Variants in SSH2 observed in about 807,000 individuals in gnomAD.
The protein encoded by SSH2 is slingshot protein phosphatase 2, also known as protein phosphatase Slingshot homolog 2.
In SSH2, 37 loss-of-function variants were observed where a neutral mutation model predicts 135.2. The observed-to-expected ratio is 0.27, with a 90% CI of 0.21 to 0.36. The LOEUF (loss-of-function observed/expected upper bound fraction) is 0.36, where lower values mean the gene tolerates loss of function less well. Ranked by LOEUF, SSH2 falls within the 10% of genes least tolerant of loss-of-function variation. The probability of loss-of-function intolerance (pLI) is 1.00; values close to 1 mark genes in which losing one functional copy is unlikely to be tolerated. For synonymous variants in SSH2, 628 were observed against 646.2 expected (o/e 0.97, Z 0.43); for missense variants, 1,408 against 1,765.3 (o/e 0.80, Z 3.63).
chr17:29,865,226 G>A (rs75675730), intron 1 of SSH2, among the ~76,000 whole-genome samples: 40 of 152,334 alleles, frequency 2.6e-4, no homozygotes, highest in South Asian at 1.4e-3. Context: ...TAAAAGAAGT[G>A]TAAAGTAATT....
chr17:29,735,659 T>A (rs1055062550), intron 3 of SSH2, among the ~76,000 whole-genome samples: 4 of 143,082 alleles, frequency 2.8e-5, no homozygotes, highest in African/African-American at 7.9e-5. Context: ...ATCGCGTCAC[T>A]GCACTCCAGC....
At position 29,849,033 on chromosome 17, in the gene SSH2, G is replaced by A. The variant is rs138878224; in HGVS notation, c.64-104C>T. 39 of 662,834 alleles carry A rather than the reference G, an allele frequency of 5.9e-5. No homozygotes were observed. In the Admixed American group the frequency reaches 6.3e-4, roughly 11 times the overall value. The allele number at this position is 662,834 out of a possible 1,614,324, so 41.1% of individuals were successfully genotyped here. ...CTGAGTCAGTGGTGTTAGCTCACAG[G>A]TGAGAAGCTGCAATTCTGATTAGTG... On this transcript the variant is annotated intron_variant, in intron 1 of 15. Transcript: ENST00000540801.
At chr17:29,659,681 G>A (rs903431626) in intron 11 of SSH2, among the ~76,000 whole-genome samples, 5 of 151,688 alleles carry the variant, frequency 3.3e-5, no homozygotes, top group African/African-American at 7.3e-5. Flanking sequence ...ATGCCACCAT[G>A]CCCGGCTAAT....
intron 4 of SSH2, among the ~76,000 whole-genome samples, chr17:29,700,739 A>C (rs1318174101): frequency 6.6e-6 from 1 of 152,202 alleles, no homozygotes; most frequent in East Asian, 1.9e-4. Context: ...TCAGAAATTG[A>C]ATCTTTGATT....
chr17:29,635,190 C>T (rs1567828939), intron 15 of SSH2, among the ~76,000 whole-genome samples: 1 of 152,108 alleles, frequency 6.6e-6, no homozygotes, highest in African/African-American at 2.4e-5. Context: ...GCGTGAGCCA[C>T]CGCGCCCGGC....
In SSH2 at chr17:29,793,926, A is replaced by G. The variant is rs761341358; in HGVS notation, c.156T>C (p.Ser52=). 1.3e-5 allele frequency: 21 copies of G among 1,612,966 alleles called. No individual in the cohort carries two copies. Among genetic ancestry groups the G allele is most frequent in the Non-Finnish European group, 1.6e-5 (19 of 1,179,226 alleles). Residue 52 remains serine (S), a synonymous_variant, in exon 3 of 16, where the codon AGT becomes AGC. Coordinates refer to ENST00000540801, the MANE Select transcript of SSH2 (RefSeq NM_001282129.2). ...EIFTDSNEAD[S]GEEECRSQPR... Reference sequence around the variant, plus strand: ...GCTGTGACCGGCATTCTTCCTCCCCACTGTCTGCCTCCTGTATAGACAGAA... The same window carrying G: ...GCTGTGACCGGCATTCTTCCTCCCCGCTGTCTGCCTCCTGTATAGACAGAA...
chr17:29,816,194 A>G (rs1378340656), intron 2 of SSH2, among the ~76,000 whole-genome samples: 1 of 152,100 alleles, frequency 6.6e-6, no homozygotes, highest in African/African-American at 2.4e-5. Flanking sequence ...CCAGGGTCAT[A>G]CCTCAGTGCG....
intron 4 of SSH2, among the ~76,000 whole-genome samples, chr17:29,701,810 A>T (rs576195932): frequency 9.2e-5 from 14 of 151,872 alleles, no homozygotes; most frequent in African/African-American, 3.4e-4. Flanking sequence ...ACCTCAGGTG[A>T]TCCACCTGCC....
chr17:29,659,545 G>C (rs1306218283), intron 11 of SSH2, among the ~76,000 whole-genome samples: 1 of 152,044 alleles, frequency 6.6e-6, no homozygotes, highest in East Asian at 1.9e-4. Flanking sequence ...TTATTTTTGA[G>C]ACGAGACTTG....
chr17:29,685,210 T>C (rs1159508343), intron 5 of SSH2, among the ~76,000 whole-genome samples: 4 of 152,326 alleles, frequency 2.6e-5, no homozygotes, highest in African/African-American at 7.2e-5. Flanking sequence ...TGAAAGGAGA[T>C]TGCATTTTTA....
chr17:29,816,822 T>C (rs1297524497), intron 2 of SSH2, among the ~76,000 whole-genome samples: 1 of 152,160 alleles, frequency 6.6e-6, no homozygotes, highest in African/African-American at 2.4e-5. Context: ...TGATCCTTGC[T>C]AACACACTGG....
At chr17:29,779,017 T>A (rs1002421923) in intron 3 of SSH2, among the ~76,000 whole-genome samples, 2 of 152,140 alleles carry the variant, frequency 1.3e-5, no homozygotes, top group South Asian at 4.1e-4. Context: ...TACTTTTGTT[T>A]TTCTTATATC....
At chr17:29,639,240 C>T (rs1318350858) in intron 14 of SSH2, among the ~76,000 whole-genome samples, 4 of 152,080 alleles carry the variant, frequency 2.6e-5, no homozygotes, top group African/African-American at 7.2e-5. Flanking sequence ...AAACCACACA[C>T]TCTTAAACAG....
At chr17:29,873,009 G>T (rs1277287101) in intron 1 of SSH2, among the ~76,000 whole-genome samples, 1 of 151,258 alleles carries the variant, frequency 6.6e-6, no homozygotes, top group Non-Finnish European at 1.5e-5. Context: ...AAAAAAAAAA[G>T]TATTTTTTGG....
chr17:29,779,992 G>A (rs1053293057), intron 3 of SSH2, among the ~76,000 whole-genome samples: 3 of 151,808 alleles, frequency 2.0e-5, no homozygotes, highest in African/African-American at 7.3e-5. Context: ...GGAGGCCGCC[G>A]GATCACCTGA....
At chr17:29,862,454 T>C (rs2065781012) in intron 1 of SSH2, among the ~76,000 whole-genome samples, 1 of 152,210 alleles carries the variant, frequency 6.6e-6, no homozygotes, top group African/African-American at 2.4e-5. Context: ...TAAGTTATAA[T>C]CTTTGTATGT....
intron 14 of SSH2, among the ~76,000 whole-genome samples, chr17:29,638,318 C>T (rs1598689306): frequency 1.4e-5 from 2 of 147,702 alleles, no homozygotes; most frequent in East Asian, 2.0e-4. Flanking sequence ...AAAAACCTGT[C>T]AGGTATTTTA....
chr17:29,740,063 A>C (rs2040503796), intron 3 of SSH2, among the ~76,000 whole-genome samples: 1 of 152,210 alleles, frequency 6.6e-6, no homozygotes, highest in African/African-American at 2.4e-5. Flanking sequence ...TTAAAGCTGG[A>C]TTGACCTCGC....
intron 3 of SSH2, among the ~76,000 whole-genome samples, chr17:29,778,599 CA>C (rs2041763034): frequency 6.6e-6 from 1 of 151,822 alleles, no homozygotes; most frequent in African/African-American, 2.4e-5. Flanking sequence ...GAGATCACGC[CA>C]CTGCACTCCA....
Sources: gnomAD v4.1 joint callset for allele counts (sites outside exome capture counted in the v4.1 genomes callset) on GRCh38, gnomAD v4.1.1 for gene constraint, MANE v1.5 for transcripts, NCBI Gene and HGNC (gene_info 2026-07-23, HGNC 2026-07-21) for gene names.